STK3: variants seen among roughly 807,000 people sequenced by gnomAD.
The protein encoded by STK3 is serine/threonine kinase 3.
Under a neutral mutation model 58.0 loss-of-function variants are expected in STK3, and 41 were observed. The observed-to-expected ratio is 0.71, with a 90% confidence interval of 0.55 to 0.92. The LOEUF is 0.92. Ranked by LOEUF, STK3 falls within the 40% of genes least tolerant of loss-of-function variation. STK3 has a pLI of 0.00. For synonymous variants in STK3, 170 were observed against 191.0 expected (o/e 0.89, Z 0.91); for missense variants, 479 against 602.7 (o/e 0.79, Z 2.15).
chr8:98,612,441 T>C (rs1213504963), intron 6 of STK3, among the ~76,000 whole-genome samples: 3 of 149,428 alleles, frequency 2.0e-5, no homozygotes, highest in African/African-American at 7.4e-5. Context: ...TATATATCAA[T>C]TCTATATATA....
At chr8:98,706,945 A>T (rs1345769248) in intron 5 of STK3, among the ~76,000 whole-genome samples, 1 of 152,234 alleles carries the variant, frequency 6.6e-6, no homozygotes, top group Non-Finnish European at 1.5e-5. Context: ...CATTTTGATT[A>T]TAAGATATAT....
At chr8:98,517,713 T>A (rs1825040079) in intron 10 of STK3, among the ~76,000 whole-genome samples, 1 of 152,114 alleles carries the variant, frequency 6.6e-6, no homozygotes, top group African/African-American at 2.4e-5. Flanking sequence ...AATCAATTTT[T>A]AAAACTTTTT....
chr8:98,597,263 A>G (rs1191311877), intron 6 of STK3: 1 of 985,132 alleles, frequency 1.0e-6, no homozygotes, highest in Non-Finnish European at 1.2e-6. Context: ...AAAGTGATCA[A>G]ATGGACTTTC....
chr8:98,402,480 G>A (rs997249438), intron 3 of STK3, among the ~76,000 whole-genome samples: 1 of 152,172 alleles, frequency 6.6e-6, no homozygotes, highest in African/African-American at 2.4e-5. Flanking sequence ...CGAAAGTCTG[G>A]GCCCCACAGG....
At chr8:98,356,118 G>C in the STK3 span, among the ~76,000 whole-genome samples, 1 of 152,194 alleles carries the variant, frequency 6.6e-6, no homozygotes. Context: ...ATTGGGCTGG[G>C]GTTAGCAGCA....
intron 3 of STK3, among the ~76,000 whole-genome samples, chr8:98,834,651 A>C (rs1835682296): frequency 6.6e-6 from 1 of 152,256 alleles, no homozygotes; most frequent in Non-Finnish European, 1.5e-5. Context: ...CCGTGTCTTC[A>C]CATGGTAGAA....
chr8:98,877,478 T>G (rs1837596343), intron 3 of STK3, among the ~76,000 whole-genome samples: 1 of 152,096 alleles, frequency 6.6e-6, no homozygotes, highest in African/African-American at 2.4e-5. Flanking sequence ...GTGTTTTTTT[T>G]GTTTGTTTTT....
At chr8:98,731,095 T>C (rs576708794) in intron 4 of STK3, among the ~76,000 whole-genome samples, 1 of 152,286 alleles carries the variant, frequency 6.6e-6, no homozygotes, top group Admixed American at 6.5e-5. Context: ...CTAATTTAAA[T>C]TCCTAAGAGT....
At chr8:98,926,744 T>C (rs1391827239) in intron 1 of STK3, among the ~76,000 whole-genome samples, 2 of 152,074 alleles carry the variant, frequency 1.3e-5, no homozygotes, top group African/African-American at 4.8e-5. Flanking sequence ...CCAAAGCACA[T>C]TGGGATTTGG....
intron 3 of STK3, among the ~76,000 whole-genome samples, chr8:98,873,013 T>C (rs984832622): frequency 6.6e-6 from 1 of 152,232 alleles, no homozygotes; most frequent in Non-Finnish European, 1.5e-5. Flanking sequence ...GCTTTAAATG[T>C]GTCCCAGAGA....
chr8:98,903,544 CTTCTTCTTCTTCCTTTTT>C (rs1207976055), intron 1 of STK3, among the ~76,000 whole-genome samples: 1 of 25,352 alleles, frequency 3.9e-5, no homozygotes, highest in African/African-American at 2.0e-4. Context: ...TCTTCTTCTT[CTTCTTCTTCTTCCTTTTT>C]TTTTTTTTAA....
chr8:98,362,911 C>T, the STK3 span, among the ~76,000 whole-genome samples: 1 of 152,180 alleles, frequency 6.6e-6, no homozygotes, highest in South Asian at 2.1e-4. Context: ...TCAGCAAATT[C>T]CCATTTGCAG....
At chr8:98,584,719 T>C (rs1325524280) in intron 7 of STK3, among the ~76,000 whole-genome samples, 1 of 150,306 alleles carries the variant, frequency 6.7e-6, no homozygotes, top group African/African-American at 2.4e-5. Flanking sequence ...CCACCAACAG[T>C]GTAAAAGTGT....
intron 4 of STK3, among the ~76,000 whole-genome samples, chr8:98,714,124 G>A (rs953709783): frequency 1.3e-5 from 2 of 152,146 alleles, no homozygotes; most frequent in African/African-American, 4.8e-5. Flanking sequence ...TTGATGGGAT[G>A]TATCTCAAAA....
chr8:98,609,787 C>T (rs1398127751), intron 6 of STK3, among the ~76,000 whole-genome samples: 16 of 151,882 alleles, frequency 1.1e-4, no homozygotes, highest in African/African-American at 3.6e-4. Context: ...AGTGAAACCC[C>T]GTCTCTACTA....
In STK3 at chr8:98,800,201, CT is replaced by C. The variant is rs1199890722; in HGVS notation, c.26+25313del. Among the ~76,000 whole-genome samples the C allele has an allele frequency of 6.6e-6, 1 of 152,162 alleles. No homozygotes were observed. ...TTGAGGCCACCAAGCTACAGATGGTCTTACAAATGGAACCTCAAATGAGTTC... is the reference window on the plus strand; with the variant it reads ...TTGAGGCCACCAAGCTACAGATGGTCTACAAATGGAACCTCAAATGAGTTC... On this transcript the variant is annotated intron_variant, in intron 1 of 10. Transcript: ENST00000419617. The surrounding 1 kb of genome is among the most constrained non-coding windows in gnomAD (Gnocchi z 4.8).
chr8:98,426,443 A>C (rs1410597709), intron 3 of STK3, among the ~76,000 whole-genome samples: 1 of 152,012 alleles, frequency 6.6e-6, no homozygotes, highest in Non-Finnish European at 1.5e-5. Context: ...CCTGGACACA[A>C]ACTGTGCCCA....
At chr8:98,486,757 C>T (rs902276408) in intron 10 of STK3, among the ~76,000 whole-genome samples, 1 of 152,128 alleles carries the variant, frequency 6.6e-6, no homozygotes, top group African/African-American at 2.4e-5. Context: ...TACTTAGATT[C>T]TCAGTGTGAT....
At chr8:98,617,964 G>T (rs1817908702) in intron 6 of STK3, among the ~76,000 whole-genome samples, 1 of 152,112 alleles carries the variant, frequency 6.6e-6, no homozygotes, top group Non-Finnish European at 1.5e-5. Flanking sequence ...CTCATTTTAG[G>T]AGGCCAGCAT....
Sources: gnomAD v4.1 joint callset for allele counts (sites outside exome capture counted in the v4.1 genomes callset) on GRCh38, gnomAD v4.1.1 for gene constraint, Gnocchi (gnomAD v3.1) non-coding constraint, MANE v1.5 for transcripts, NCBI Gene and HGNC (gene_info 2026-07-23, HGNC 2026-07-21) for gene names.